The following MACROD2 variants were observed in gnomAD, a reference collection of about 807,000 sequenced individuals.
The protein encoded by MACROD2 is ADP-ribose glycohydrolase MACROD2.
MACROD2 carries 36 observed loss-of-function variants against 70.4 expected under a neutral mutation model. The observed-to-expected ratio is 0.51, with a 90% confidence interval of 0.39 to 0.68. The LOEUF is 0.68. Ranked by LOEUF, MACROD2 falls within the 30% of genes least tolerant of loss-of-function variation. The pLI is 0.00. For synonymous variants in MACROD2, 172 were observed against 178.8 expected (o/e 0.96, Z 0.30); for missense variants, 496 against 538.4 (o/e 0.92, Z 0.78).
At chr20:15,006,420 C>A (rs1412237417) in intron 5 of MACROD2, among the ~76,000 whole-genome samples, 1 of 151,654 alleles carries the variant, frequency 6.6e-6, no homozygotes, top group Non-Finnish European at 1.5e-5. Context: ...TTCTGGAGAC[C>A]TAATTTATAG....
At chr20:14,909,734 C>A (rs1421709548) in intron 5 of MACROD2, among the ~76,000 whole-genome samples, 1 of 151,966 alleles carries the variant, frequency 6.6e-6, no homozygotes, top group Non-Finnish European at 1.5e-5. Flanking sequence ...CTGCTTCTAC[C>A]TATCTGAAAA....
chr20:15,715,072 A>G (rs1568989746), intron 8 of MACROD2, among the ~76,000 whole-genome samples: 1 of 152,194 alleles, frequency 6.6e-6, no homozygotes, highest in Non-Finnish European at 1.5e-5. Context: ...TTTAGGAAGC[A>G]ATACCAAGGG....
chr20:15,674,207 C>G (rs1399990663), intron 8 of MACROD2, among the ~76,000 whole-genome samples: 1 of 151,892 alleles, frequency 6.6e-6, no homozygotes, highest in Admixed American at 6.6e-5. Context: ...ATGGTAAGAC[C>G]ATAGTGGGGA....
intron 3 of MACROD2, among the ~76,000 whole-genome samples, chr20:14,407,541 G>A (rs1418593265): frequency 2.0e-5 from 3 of 152,230 alleles, no homozygotes; most frequent in Non-Finnish European, 2.9e-5. Context: ...GTTTCGATGT[G>A]TCATTTAATA....
intron 3 of MACROD2, among the ~76,000 whole-genome samples, chr20:14,179,522 A>G (rs1471502681): frequency 6.6e-6 from 1 of 152,174 alleles, no homozygotes; most frequent in Admixed American, 6.5e-5. Context: ...CCAATTTGCC[A>G]TTGATTGATT....
At chr20:15,992,224 A>G (rs1262587787) in intron 15 of MACROD2, among the ~76,000 whole-genome samples, 4 of 152,098 alleles carry the variant, frequency 2.6e-5, no homozygotes, top group Admixed American at 2.6e-4. Context: ...AGGCCTCTTG[A>G]GTTTGTTCAA....
chr20:15,207,767 G>A (rs943720945), intron 5 of MACROD2, among the ~76,000 whole-genome samples: 1 of 152,008 alleles, frequency 6.6e-6, no homozygotes, highest in Non-Finnish European at 1.5e-5. Flanking sequence ...CTTCTGATGA[G>A]GAATCCACTG....
intron 11 of MACROD2, 23 bp from the exon 12 acceptor site, chr20:15,937,453 A>G (rs144220544): frequency 6.2e-7 from 1 of 1,612,008 alleles, no homozygotes; most frequent in Non-Finnish European, 8.5e-7. Context: ...ACTCTGAGGC[A>G]GTGTTTCTTT....
intron 3 of MACROD2, among the ~76,000 whole-genome samples, chr20:14,252,065 A>G (rs188924191): frequency 1.9e-4 from 29 of 152,194 alleles, no homozygotes; most frequent in East Asian, 3.9e-4. Flanking sequence ...GTGTCCCACT[A>G]TGGACACACT....
chr20:15,618,095 C>CTTTTTTTTTTTTT (rs398035424), intron 8 of MACROD2, among the ~76,000 whole-genome samples: 1 of 70,840 alleles, frequency 1.4e-5, no homozygotes, highest in South Asian at 6.7e-4. Flanking sequence ...CATCATTAGT[C>CTTTTTTTTTTTTT]TTTTTTTTTT....
At chr20:14,565,895 A>G (rs1178257845) in intron 4 of MACROD2, among the ~76,000 whole-genome samples, 1 of 151,752 alleles carries the variant, frequency 6.6e-6, no homozygotes, top group African/African-American at 2.4e-5. Context: ...TTTTACCCCT[A>G]AGACCTAGAG....
intron 3 of MACROD2, chr20:14,127,403 A>G (rs547183160): frequency 6.7e-6 from 3 of 446,504 alleles, no homozygotes; most frequent in African/African-American, 2.1e-5. Flanking sequence ...CCACTGCTTC[A>G]TGATTTTCTG....
chr20:15,296,672 T>C (rs1263150863), intron 6 of MACROD2, among the ~76,000 whole-genome samples: 1 of 152,194 alleles, frequency 6.6e-6, no homozygotes, highest in African/African-American at 2.4e-5. Context: ...TAGAGGGTAA[T>C]GTTCTGTCCT....
At chr20:15,817,490 C>T in intron 8 of MACROD2, among the ~76,000 whole-genome samples, 1 of 152,190 alleles carries the variant, frequency 6.6e-6, no homozygotes. Flanking sequence ...CTCACTTATG[C>T]AAGCTTGAAT....
At chr20:14,295,893 A>C (rs2082423475) in intron 3 of MACROD2, among the ~76,000 whole-genome samples, 1 of 151,894 alleles carries the variant, frequency 6.6e-6, no homozygotes, top group Non-Finnish European at 1.5e-5. Context: ...GAAACTCATT[A>C]GGTATGCTGA....
At position 14,482,361 on chromosome 20, in the gene MACROD2, C is replaced by T. The variant is rs936861798; in HGVS notation, c.272-11118C>T. ...TACTAGAGAAAGTCTTCATATACTA[C>T]AGTAGTTTAAAAAAGAGAAATACAG... On this transcript the variant is annotated intron_variant, in intron 3 of 17. Coordinates refer to ENST00000684519, the MANE Select transcript of MACROD2 (RefSeq NM_001351661.2). Among the ~76,000 whole-genome samples, 3 of 151,948 alleles carry T rather than the reference C, an allele frequency of 2.0e-5. No homozygotes were observed. The East Asian group carries it at 5.8e-4, about 29-fold the overall frequency.
intron 3 of MACROD2, among the ~76,000 whole-genome samples, chr20:14,152,257 T>A (rs868042899): frequency 6.6e-6 from 1 of 152,194 alleles, no homozygotes; most frequent in African/African-American, 2.4e-5. Context: ...TTTTCTTTTT[T>A]AAAAATCAAC....
intron 3 of MACROD2, among the ~76,000 whole-genome samples, chr20:14,464,302 A>C (rs2084411291): frequency 6.6e-6 from 1 of 151,760 alleles, no homozygotes; most frequent in South Asian, 2.1e-4. Context: ...TTTCTTCTAG[A>C]TTTTCTAGTT....
intron 3 of MACROD2, among the ~76,000 whole-genome samples, chr20:14,184,371 G>C (rs1012605450): frequency 6.6e-6 from 1 of 152,062 alleles, no homozygotes; most frequent in Non-Finnish European, 1.5e-5. Context: ...TCTCTATTCT[G>C]TTGCATTGGT....
Sources: gnomAD v4.1 joint callset for allele counts (sites outside exome capture counted in the v4.1 genomes callset) on GRCh38, gnomAD v4.1.1 for gene constraint, MANE v1.5 for transcripts, NCBI Gene and HGNC (gene_info 2026-07-23, HGNC 2026-07-21) for gene names.